Variants in ZNF536 observed in about 807,000 individuals in gnomAD.
The protein encoded by ZNF536 is zinc finger protein 536.
Under a neutral mutation model 84.5 loss-of-function variants are expected in ZNF536, and 13 were observed. The ratio of observed to expected loss-of-function variants is 0.15; its 90% CI spans 0.10 to 0.24. The LOEUF (loss-of-function observed/expected upper bound fraction) is 0.24. Among genes scored for constraint, ZNF536 ranks in the 10% least tolerant of loss-of-function variants. ZNF536 has a pLI of 1.00. For missense variants in ZNF536, 1,536 were observed against 1,747.5 expected, an observed-to-expected ratio of 0.88 and a Z score of 2.16; for synonymous variants, 811 against 742.5, an observed-to-expected ratio of 1.09 and a Z score of -1.50.
intron 1 of ZNF536, among the ~76,000 whole-genome samples, chr19:30,623,810 A>T (rs943343490): frequency 1.3e-5 from 2 of 152,076 alleles, no homozygotes; most frequent in Non-Finnish European, 1.5e-5. Flanking sequence ...TTGGGGTGTT[A>T]TCTGTTTTGT....
At chr19:30,307,911 T>C (rs1431964402) in intron 2 of ZNF536, among the ~76,000 whole-genome samples, 2 of 152,240 alleles carry the variant, frequency 1.3e-5, no homozygotes, top group Non-Finnish European at 2.9e-5. Flanking sequence ...CCTTTAACAC[T>C]GGCATGCTCC....
intron 1 of ZNF536, among the ~76,000 whole-genome samples, chr19:30,229,797 C>T (rs2022896553): frequency 6.6e-6 from 1 of 152,164 alleles, no homozygotes; most frequent in South Asian, 2.1e-4. Flanking sequence ...GCAGAACCGC[C>T]GAGCCCTAGG....
chr19:30,597,619 CTGTCTT>C (rs1240077005), intron 1 of ZNF536, among the ~76,000 whole-genome samples: 1 of 152,126 alleles, frequency 6.6e-6, no homozygotes, highest in African/African-American at 2.4e-5. Flanking sequence ...AATTTGCTTG[CTGTCTT>C]GGTTTCTAAA....
intron 4 of ZNF536, among the ~76,000 whole-genome samples, chr19:30,551,587 A>G (rs1055270243): frequency 1.3e-5 from 2 of 152,090 alleles, no homozygotes; most frequent in Non-Finnish European, 2.9e-5. Context: ...CGCCTCTTTC[A>G]TGGGGCTTGG....
intron 3 of ZNF536, among the ~76,000 whole-genome samples, chr19:30,543,209 C>T (rs913617875): frequency 1.3e-5 from 2 of 152,210 alleles, no homozygotes; most frequent in Non-Finnish European, 2.9e-5. Flanking sequence ...GCATACTCAT[C>T]TGATCTGTGT....
At chr19:30,707,916 C>T (rs185646440) in intron 1 of ZNF536, among the ~76,000 whole-genome samples, 8 of 149,792 alleles carry the variant, frequency 5.3e-5, no homozygotes, top group East Asian at 2.0e-4. Flanking sequence ...GAGTCTAAGG[C>T]GGGAGAATCA....
At chr19:30,270,807 G>A (rs1019462722) in intron 1 of ZNF536, among the ~76,000 whole-genome samples, 7 of 149,022 alleles carry the variant, frequency 4.7e-5, no homozygotes, top group Non-Finnish European at 7.4e-5. Context: ...GCTAGCATAC[G>A]TAATTTTTTC....
At chr19:30,520,311 C>T (rs773237208) in intron 2 of ZNF536, among the ~76,000 whole-genome samples, 6 of 152,238 alleles carry the variant, frequency 3.9e-5, no homozygotes, top group Admixed American at 3.3e-4. Flanking sequence ...GGGGGCTTCC[C>T]GGGTGCAAGC....
chr19:30,257,711 C>T (rs1293150080), intron 1 of ZNF536, among the ~76,000 whole-genome samples: 4 of 152,186 alleles, frequency 2.6e-5, no homozygotes, highest in African/African-American at 9.7e-5. Context: ...GCCTGCCTCC[C>T]AGGAGGGGCT....
chr19:30,626,591 G>C (rs1014636173), intron 1 of ZNF536, among the ~76,000 whole-genome samples: 8 of 152,110 alleles, frequency 5.3e-5, no homozygotes, highest in Admixed American at 4.6e-4. Flanking sequence ...TGGAGCCTGG[G>C]AGGCCTTTTC....
At chr19:30,354,479 C>T (rs575734543) in intron 3 of ZNF536, among the ~76,000 whole-genome samples, 2 of 152,232 alleles carry the variant, frequency 1.3e-5, no homozygotes, top group East Asian at 3.9e-4. Context: ...GCAATCCTCC[C>T]TCCTTGGCGT....
intron 2 of ZNF536, among the ~76,000 whole-genome samples, chr19:30,309,467 C>A (rs1690248878): frequency 6.6e-6 from 1 of 152,194 alleles, no homozygotes; most frequent in African/African-American, 2.4e-5. Context: ...CCTCAGCACA[C>A]TTTTTCACTG....
intron 2 of ZNF536, among the ~76,000 whole-genome samples, chr19:30,522,795 T>A (rs1020987261): frequency 1.5e-4 from 23 of 152,244 alleles, no homozygotes; most frequent in Admixed American, 7.8e-4. Flanking sequence ...CTTTCAATTA[T>A]CTTAAGGATT....
chr19:30,633,587 C>G (rs987353337), intron 1 of ZNF536, among the ~76,000 whole-genome samples: 7 of 152,154 alleles, frequency 4.6e-5, no homozygotes, highest in African/African-American at 1.7e-4. Flanking sequence ...TCTATGAGAT[C>G]AATTGCTTCA....
intron 2 of ZNF536, among the ~76,000 whole-genome samples, chr19:30,316,002 T>C (rs1379828067): frequency 6.6e-6 from 1 of 152,192 alleles, no homozygotes; most frequent in Non-Finnish European, 1.5e-5. Flanking sequence ...TGGTATGGCA[T>C]ATTCATATTC....
rs561198207 is a variant in ZNF536, at chr19:30,690,134, A to T, written c.170-20623A>T. On this transcript the variant is annotated intron_variant, in intron 1 of 1. Coordinates refer to the ZNF536 transcript ENST00000592773. ...CATCCTTGAGGCCTCTCCAATCATC[A>T]AACAGTAGGTATTTATTTATCAACC... 5.3e-5 allele frequency among the ~76,000 whole-genome samples: 8 copies of T among 152,288 alleles called. No homozygotes were observed. In the South Asian group the frequency reaches 1.2e-3, roughly 24 times the overall value.
intron 2 of ZNF536, among the ~76,000 whole-genome samples, chr19:30,524,698 C>G (rs1337039969): frequency 1.3e-5 from 2 of 152,114 alleles, no homozygotes; most frequent in African/African-American, 4.8e-5. Context: ...CCATCTTCTC[C>G]CCTCCTCCAC....
At chr19:30,630,585 C>G (rs1684072205) in intron 1 of ZNF536, among the ~76,000 whole-genome samples, 1 of 152,188 alleles carries the variant, frequency 6.6e-6, no homozygotes, top group Non-Finnish European at 1.5e-5. Flanking sequence ...CAGACCCTGC[C>G]AGCAGCTTCT....
At chr19:30,330,992 A>T (rs1404152764) in intron 2 of ZNF536, among the ~76,000 whole-genome samples, 1 of 152,182 alleles carries the variant, frequency 6.6e-6, no homozygotes, top group African/African-American at 2.4e-5. Flanking sequence ...CAAGTCATTG[A>T]TACTGGTAAA....
Sources: allele counts gnomAD v4.1 joint callset (sites outside exome capture counted in the v4.1 genomes callset), GRCh38; gene constraint gnomAD v4.1.1; transcripts MANE v1.5; gene names NCBI Gene and HGNC (gene_info 2026-07-23, HGNC 2026-07-21).